KLRF1: variants seen among roughly 807,000 people sequenced by gnomAD.
KLRF1 encodes killer cell lectin-like receptor subfamily F member 1.
Under a neutral mutation model 30.7 loss-of-function variants are expected in KLRF1, and 27 were observed. That is an observed-to-expected ratio of 0.88 (90% CI 0.65 to 1.21). The LOEUF (loss-of-function observed/expected upper bound fraction) is 1.21. Among genes scored for constraint, KLRF1 ranks in the 50% most tolerant of loss-of-function variants. The pLI, the probability that KLRF1 is intolerant of heterozygous loss-of-function variation, is 0.00. For missense variants in KLRF1, 246 were observed against 259.3 expected (o/e 0.95, Z 0.35); for synonymous variants, 92 against 89.3 (o/e 1.03, Z -0.17).
the KLRF1 span, among the ~76,000 whole-genome samples, chr12:9,807,461 C>T: frequency 2.0e-5 from 3 of 152,090 alleles, no homozygotes; most frequent in Non-Finnish European, 4.4e-5. Flanking sequence ...GTGTTTCTCT[C>T]ATCTTCCTCC....
the KLRF1 span, among the ~76,000 whole-genome samples, chr12:9,808,929 G>A: frequency 2.6e-5 from 4 of 152,226 alleles, no homozygotes; most frequent in South Asian, 8.3e-4. Context: ...GGTGCCATTA[G>A]TTAGGAGAGA....
Position 9,832,407 on chromosome 12 carries a change from C to A in KLRF1, c.177C>A (p.Ile59=). 1 of 1,569,774 alleles carries A rather than the reference C, an allele frequency of 6.4e-7. No homozygotes were observed. Among genetic ancestry groups the A allele is most frequent in the Non-Finnish European group, 8.8e-7 (1 of 1,141,008 alleles). Residue 59 remains isoleucine, a synonymous_variant, in exon 2 of 6, where the codon ATC becomes ATA. Transcript: ENST00000617889. ...TCACTTTGACTTTGATCTCCTTGAT[C>A]CTGTTGGGTAAGTTTAGAAGATCTT... ...GILTLTLISL[I]LLVSQGVLLK...
chr12:9,834,200 G>A (rs1449743865), intron 3 of KLRF1, among the ~76,000 whole-genome samples: 36 of 152,016 alleles, frequency 2.4e-4, no homozygotes, highest in Non-Finnish European at 4.4e-5. Flanking sequence ...TTCTTTTATG[G>A]TGGAATGTCA....
upstream of KLRF1, among the ~76,000 whole-genome samples, chr12:9,823,627 A>T (rs1867250624): frequency 6.6e-6 from 1 of 152,198 alleles, no homozygotes; most frequent in African/African-American, 2.4e-5. Context: ...AAGACTAAAT[A>T]TAACCAAAAT....
chr12:9,830,137 AG>A (rs1867377947), intron 1 of KLRF1, among the ~76,000 whole-genome samples: 7 of 152,026 alleles, frequency 4.6e-5, no homozygotes, highest in African/African-American at 1.7e-4. Flanking sequence ...ACACTTGTCG[AG>A]TTTCTGTCTA....
At chr12:9,813,461 C>T in the KLRF1 span, among the ~76,000 whole-genome samples, 1 of 152,052 alleles carries the variant, frequency 6.6e-6, no homozygotes, top group Admixed American at 6.5e-5. Context: ...CAGGCCCCCA[C>T]GCCCAGCTGG....
chr12:9,818,938 A>T, the KLRF1 span, among the ~76,000 whole-genome samples: 1 of 152,210 alleles, frequency 6.6e-6, no homozygotes, highest in Non-Finnish European at 1.5e-5. Flanking sequence ...TTCATCAAGA[A>T]AACAACTCAA....
intron 3 of KLRF1, among the ~76,000 whole-genome samples, chr12:9,840,741 C>T (rs765567960): frequency 1.3e-5 from 2 of 152,044 alleles, no homozygotes; most frequent in South Asian, 2.1e-4. Flanking sequence ...GTGATGTTAA[C>T]GACGATGAGG....
intron 3 of KLRF1, among the ~76,000 whole-genome samples, chr12:9,838,889 A>C (rs1052501240): frequency 5.3e-5 from 8 of 152,132 alleles, no homozygotes; most frequent in Non-Finnish European, 1.2e-4. Context: ...ATTTTTCAGG[A>C]GAATCAATCA....
At chr12:9,827,888 A>G (rs1024155671) in intron 1 of KLRF1, among the ~76,000 whole-genome samples, 3 of 152,202 alleles carry the variant, frequency 2.0e-5, no homozygotes, top group African/African-American at 7.2e-5. Context: ...TTACAAATTT[A>G]CTATGAGATA....
At chr12:9,825,183 A>G (rs1271814653), upstream of KLRF1, among the ~76,000 whole-genome samples, 1 of 152,060 alleles carries the variant, frequency 6.6e-6, no homozygotes, top group Non-Finnish European at 1.5e-5. Context: ...AGCAAAAAGA[A>G]CAACACTGGA....
At chr12:9,810,174 G>A in the KLRF1 span, among the ~76,000 whole-genome samples, 1 of 152,140 alleles carries the variant, frequency 6.6e-6, no homozygotes, top group East Asian at 1.9e-4. Context: ...ATTATTTTTG[G>A]TATTATACAA....
chr12:9,805,789 T>G, the KLRF1 span, among the ~76,000 whole-genome samples: 1 of 152,086 alleles, frequency 6.6e-6, no homozygotes, highest in Non-Finnish European at 1.5e-5. Context: ...TTAAGTAATC[T>G]AATTTGTAAT....
the KLRF1 span, among the ~76,000 whole-genome samples, chr12:9,807,639 T>A: frequency 6.6e-6 from 1 of 152,174 alleles, no homozygotes; most frequent in Non-Finnish European, 1.5e-5. Context: ...TTACTAATAT[T>A]TGTTTATTCC....
intron 5 of KLRF1, among the ~76,000 whole-genome samples, chr12:9,843,109 G>T (rs1867741411): frequency 6.6e-6 from 1 of 152,114 alleles, no homozygotes; most frequent in Admixed American, 6.6e-5. Flanking sequence ...TATCTGGGTG[G>T]CCCCAATTAA....
At chr12:9,833,917 T>TTTTTTTTTTG in intron 3 of KLRF1, among the ~76,000 whole-genome samples, 1 of 148,414 alleles carries the variant, frequency 6.7e-6, no homozygotes, top group African/African-American at 2.5e-5. Flanking sequence ...TTTTTTTTTT[T>TTTTTTTTTTG]TTTTTTTTTG....
the KLRF1 span, among the ~76,000 whole-genome samples, chr12:9,805,752 T>G: frequency 1.3e-5 from 2 of 152,198 alleles, no homozygotes; most frequent in African/African-American, 4.8e-5. Flanking sequence ...ATCAGTTGAA[T>G]CTCTCAAAAA....
the KLRF1 span, among the ~76,000 whole-genome samples, chr12:9,805,344 C>A: frequency 6.6e-6 from 1 of 151,880 alleles, no homozygotes; most frequent in Admixed American, 6.6e-5. Context: ...TCTCACGTGA[C>A]AGAAGGGACA....
upstream of KLRF1, among the ~76,000 whole-genome samples, chr12:9,826,835 A>G (rs1867291357): frequency 6.6e-6 from 1 of 152,146 alleles, no homozygotes; most frequent in African/African-American, 2.4e-5. Context: ...ACACATGTAC[A>G]CATAGAGGAG....
Sources: allele counts gnomAD v4.1 joint callset (sites outside exome capture counted in the v4.1 genomes callset), GRCh38; gene constraint gnomAD v4.1.1; transcripts MANE v1.5; gene names NCBI Gene and HGNC (gene_info 2026-07-23, HGNC 2026-07-21).